Variants in GPC6 observed in about 807,000 individuals in gnomAD.
GPC6 encodes the protein glypican-6.
Under a neutral mutation model 55.2 loss-of-function variants are expected in GPC6, and 14 were observed. That is an observed-to-expected ratio of 0.25 (90% confidence interval 0.17 to 0.40). The LOEUF (loss-of-function observed/expected upper bound fraction) is 0.40. Ranked by LOEUF, GPC6 falls within the 10% of genes least tolerant of loss-of-function variation. GPC6 has a pLI of 1.00. For missense variants in GPC6, 641 were observed against 708.5 expected, an observed-to-expected ratio of 0.90 and a Z score of 1.08; for synonymous variants, 278 against 259.6, an observed-to-expected ratio of 1.07 and a Z score of -0.68.
intron 4 of GPC6, among the ~76,000 whole-genome samples, chr13:94,092,500 A>G (rs1885524803): frequency 6.6e-6 from 1 of 152,136 alleles, no homozygotes; most frequent in Non-Finnish European, 1.5e-5. Flanking sequence ...TCCATTGTGT[A>G]TATATACCAC....
chr13:93,646,399 C>T lies in GPC6; in HGVS notation c.319+100978C>T, dbSNP rs527356049. Among the ~76,000 whole-genome samples, 17 of 152,132 alleles carry T rather than the reference C, an allele frequency of 1.1e-4. No individual in the cohort carries two copies. In the South Asian group the frequency reaches 1.7e-3, roughly 15 times the overall value. On this transcript the variant is annotated intron_variant, in intron 2 of 8. Transcript: ENST00000377047. ...TGTTTGCAAACTAGCCAACAAAGTA[C>T]GCTAGTCAGTTTATCTTGGCAAATT...
chr13:93,364,707 A>T (rs911642542), intron 1 of GPC6, among the ~76,000 whole-genome samples: 1 of 146,134 alleles, frequency 6.8e-6, no homozygotes, highest in African/African-American at 2.7e-5. Context: ...ACACACACAC[A>T]TATATATACA....
At chr13:93,744,115 T>G (rs1884303248) in intron 2 of GPC6, among the ~76,000 whole-genome samples, 1 of 152,214 alleles carries the variant, frequency 6.6e-6, no homozygotes. Flanking sequence ...TCTCAGTTTT[T>G]GCCAATGTGT....
chr13:93,611,867 A>G (rs890201240), intron 2 of GPC6, among the ~76,000 whole-genome samples: 1 of 152,194 alleles, frequency 6.6e-6, no homozygotes, highest in African/African-American at 2.4e-5. Context: ...TTCTGACATG[A>G]TTGTTTAGAT....
At chr13:93,968,459 T>G (rs1880143598) in intron 3 of GPC6, among the ~76,000 whole-genome samples, 1 of 152,114 alleles carries the variant, frequency 6.6e-6, no homozygotes, top group African/African-American at 2.4e-5. Context: ...TTCACTTGTA[T>G]TATACTCATT....
At chr13:94,272,906 G>T (rs981046875) in intron 4 of GPC6, among the ~76,000 whole-genome samples, 16 of 152,050 alleles carry the variant, frequency 1.1e-4, no homozygotes, top group Non-Finnish European at 2.2e-4. Context: ...ACATCACCAG[G>T]CTCCTCGTGT....
rs140343089 is a variant in GPC6, at chr13:94,403,034, A to C, written c.1485A>C (p.Ser495=). 6.2e-7 allele frequency: 1 copy of C among 1,612,282 alleles called. No individual in the cohort carries two copies. Among genetic ancestry groups the C allele is most frequent in the Non-Finnish European group, 8.5e-7 (1 of 1,178,376 alleles). ...CACTAGGTGATGAATCCAGTGGCTC[A>C]GGGAGTGGCAGTGGGTGCATGGATG... ...FQDTSDESSG[S]GSGSGCMDDV... Residue 495 remains serine, a synonymous_variant, in exon 9 of 9, where the codon TCA becomes TCC. Coordinates refer to ENST00000377047, the MANE Select transcript of GPC6 (RefSeq NM_005708.5).
rs553456182 is a variant in GPC6, at chr13:93,774,566, A to G, written c.320-55588A>G. On this transcript the variant is annotated intron_variant, in intron 2 of 8. Transcript: ENST00000377047. Reference sequence around the variant, plus strand: ...AAAAGTCGTGTATAAAGGCTGCATGATGGATTAACTTTCTCAGGAACTCTC... The same window carrying G: ...AAAAGTCGTGTATAAAGGCTGCATGGTGGATTAACTTTCTCAGGAACTCTC... Among the ~76,000 whole-genome samples the G allele has an allele frequency of 3.7e-4, 57 of 152,290 alleles. 1 individual carries two copies. The Middle Eastern group carries it at 0.01, about 27-fold the overall frequency.
At chr13:93,634,646 A>G (rs1403845123) in intron 2 of GPC6, among the ~76,000 whole-genome samples, 1 of 152,142 alleles carries the variant, frequency 6.6e-6, no homozygotes, top group African/African-American at 2.4e-5. Flanking sequence ...TATGACTCCT[A>G]TAACATTTGC....
chr13:93,522,004 A>T (rs1010799391), intron 1 of GPC6, among the ~76,000 whole-genome samples: 6 of 152,054 alleles, frequency 3.9e-5, no homozygotes, highest in African/African-American at 1.4e-4. Flanking sequence ...TTTTAAAATA[A>T]GTATCAATTA....
chr13:93,893,091 C>G lies in GPC6; in HGVS notation c.711+62546C>G, dbSNP rs539206317. 4.0e-4 allele frequency among the ~76,000 whole-genome samples: 54 copies of G among 133,670 alleles called. No homozygotes were observed. In the South Asian group the frequency reaches 0.011, roughly 28 times the overall value. The allele number at this position is 133,670 out of a possible 152,430, so 87.7% of individuals were successfully genotyped here. On this transcript the variant is annotated intron_variant, in intron 3 of 8. Transcript: ENST00000377047. ...TTTTTTTTTTTGAGATGGAGTTTTTCTCTCATCGCCCAGGCTGGAGTGCAA... is the reference window on the plus strand; with the variant it reads ...TTTTTTTTTTTGAGATGGAGTTTTTGTCTCATCGCCCAGGCTGGAGTGCAA...
intron 2 of GPC6, among the ~76,000 whole-genome samples, chr13:93,593,749 C>T (rs1877594629): frequency 1.3e-5 from 2 of 151,898 alleles, no homozygotes; most frequent in Non-Finnish European, 1.5e-5. Flanking sequence ...TTATTATGGC[C>T]ATGTTAAAAA....
intron 2 of GPC6, among the ~76,000 whole-genome samples, chr13:93,743,490 T>C (rs1884279236): frequency 1.3e-5 from 2 of 152,164 alleles, no homozygotes; most frequent in South Asian, 4.1e-4. Context: ...TCTCTAATTT[T>C]CATTATTTTT....
chr13:94,331,998 A>T (rs1476761860), intron 6 of GPC6, among the ~76,000 whole-genome samples: 3 of 152,178 alleles, frequency 2.0e-5, no homozygotes, highest in Non-Finnish European at 2.9e-5. Context: ...TCTGTTCTCC[A>T]TCTGAGTCTC....
At chr13:93,912,722 G>C (rs531002328) in intron 3 of GPC6, among the ~76,000 whole-genome samples, 40 of 152,208 alleles carry the variant, frequency 2.6e-4, no homozygotes, top group Admixed American at 7.2e-4. Flanking sequence ...CAGCCTGGGC[G>C]ACAGATAGAG....
At chr13:93,632,193 T>C (rs1438572476) in intron 2 of GPC6, among the ~76,000 whole-genome samples, 1 of 152,328 alleles carries the variant, frequency 6.6e-6, no homozygotes, top group Non-Finnish European at 1.5e-5. Flanking sequence ...ACTTACCATG[T>C]CTTGGAAAAT....
intron 1 of GPC6, among the ~76,000 whole-genome samples, chr13:93,232,642 T>C (rs1876099295): frequency 6.6e-6 from 1 of 152,184 alleles, no homozygotes; most frequent in Non-Finnish European, 1.5e-5. Context: ...ACTGTCAAAA[T>C]TGATTTAAAA....
chr13:93,979,281 T>TTGTGTGTGTGTGTG (rs72400372), intron 3 of GPC6, among the ~76,000 whole-genome samples: 23 of 140,264 alleles, frequency 1.6e-4, no homozygotes, highest in South Asian at 4.6e-4. Context: ...GACACTTCTT[T>TTGTGTGTGTGTGTG]TGTGTGTGTG....
intron 1 of GPC6, among the ~76,000 whole-genome samples, chr13:93,427,567 G>A (rs1877188140): frequency 6.6e-6 from 1 of 152,112 alleles, no homozygotes; most frequent in Non-Finnish European, 1.5e-5. Context: ...GCTGAAACGG[G>A]AAAAGTGTTT....
Sources: allele counts gnomAD v4.1 joint callset (sites outside exome capture counted in the v4.1 genomes callset), GRCh38; gene constraint gnomAD v4.1.1; transcripts MANE v1.5; gene names NCBI Gene and HGNC (gene_info 2026-07-23, HGNC 2026-07-21).